CDH12: variants seen among roughly 807,000 people sequenced by gnomAD.
The protein encoded by CDH12 is cadherin 12.
In CDH12, 41 loss-of-function variants were observed where a neutral mutation model predicts 74.1. The ratio of observed to expected loss-of-function variants is 0.55; its 90% confidence interval spans 0.43 to 0.72. The LOEUF (loss-of-function observed/expected upper bound fraction) is 0.72, where lower values mean the gene tolerates loss of function less well. Ranked by LOEUF, CDH12 falls within the 30% of genes least tolerant of loss-of-function variation. The pLI, the probability that CDH12 is intolerant of heterozygous loss-of-function variation, is 0.00. For synonymous variants in CDH12, 399 were observed against 355.0 expected (o/e 1.12, Z -1.39); for missense variants, 945 against 977.2 (o/e 0.97, Z 0.44).
At chr5:22,063,076 T>C (rs568448536) in intron 5 of CDH12, among the ~76,000 whole-genome samples, 1 of 152,302 alleles carries the variant, frequency 6.6e-6, no homozygotes, top group Admixed American at 6.5e-5. Flanking sequence ...TTTGCATTTT[T>C]GTTGGATCCA....
chr5:22,407,775 C>T (rs1361718704), intron 2 of CDH12, among the ~76,000 whole-genome samples: 1 of 152,062 alleles, frequency 6.6e-6, no homozygotes, highest in Non-Finnish European at 1.5e-5. Context: ...CATCTCTTCT[C>T]TTCTGTCACT....
chr5:22,635,619 T>A (rs931810628), intron 1 of CDH12, among the ~76,000 whole-genome samples: 1 of 152,202 alleles, frequency 6.6e-6, no homozygotes, highest in East Asian at 1.9e-4. Flanking sequence ...AGAATAAATA[T>A]ACAAATATTT....
chr5:22,775,854 A>AG (rs1195498548), intron 1 of CDH12, among the ~76,000 whole-genome samples: 1 of 152,092 alleles, frequency 6.6e-6, no homozygotes, highest in Admixed American at 6.6e-5. Context: ...GGAGGGACCC[A>AG]GGGGGGAGGT....
intron 1 of CDH12, among the ~76,000 whole-genome samples, chr5:22,747,812 T>C (rs1310248039): frequency 6.6e-6 from 1 of 152,180 alleles, no homozygotes; most frequent in African/African-American, 2.4e-5. Flanking sequence ...AAATTTCTTA[T>C]GAATCTGAGT....
At chr5:22,794,512 A>C (rs1355995299) in intron 1 of CDH12, among the ~76,000 whole-genome samples, 2 of 152,186 alleles carry the variant, frequency 1.3e-5, no homozygotes, top group African/African-American at 2.4e-5. Context: ...CTGCTTACCT[A>C]TGACATGAGA....
At chr5:22,068,231 T>G (rs1412675215) in intron 5 of CDH12, among the ~76,000 whole-genome samples, 5 of 152,140 alleles carry the variant, frequency 3.3e-5, no homozygotes, top group Non-Finnish European at 7.4e-5. Flanking sequence ...GTAACTGACA[T>G]GAAGAAGAGA....
At chr5:21,782,151 G>A (rs550377885) in intron 11 of CDH12, among the ~76,000 whole-genome samples, 149 of 152,232 alleles carry the variant, frequency 9.8e-4, no homozygotes, top group African/African-American at 3.3e-3. Context: ...GGTATGGTTG[G>A]AAGGCAGAGC....
intron 6 of CDH12, among the ~76,000 whole-genome samples, chr5:21,907,539 G>A (rs1753693542): frequency 6.6e-6 from 1 of 152,166 alleles, no homozygotes; most frequent in Non-Finnish European, 1.5e-5. Flanking sequence ...GCATATGATT[G>A]CCACAACCAA....
intron 1 of CDH12, among the ~76,000 whole-genome samples, chr5:22,818,430 T>G (rs560402177): frequency 6.6e-6 from 1 of 152,220 alleles, no homozygotes; most frequent in South Asian, 2.1e-4. Flanking sequence ...TCCCTTTCAC[T>G]TGCCTCCAAG....
intron 4 of CDH12, among the ~76,000 whole-genome samples, chr5:22,107,615 G>A (rs1744552996): frequency 6.6e-6 from 1 of 151,688 alleles, no homozygotes; most frequent in Non-Finnish European, 1.5e-5. Flanking sequence ...AATTACTTTG[G>A]TAAAAATGAA....
chr5:22,636,235 T>C (rs1004768300), intron 1 of CDH12, among the ~76,000 whole-genome samples: 9 of 152,188 alleles, frequency 5.9e-5, no homozygotes, highest in African/African-American at 2.2e-4. Context: ...AATAATGTAG[T>C]TGTTTTGAAA....
At chr5:22,803,677 C>T (rs1373083595) in intron 1 of CDH12, among the ~76,000 whole-genome samples, 4 of 152,190 alleles carry the variant, frequency 2.6e-5, no homozygotes, top group African/African-American at 4.8e-5. Context: ...ACCTTGGCCG[C>T]ACTTTTTCAT....
At chr5:22,259,117 C>G (rs184688263) in intron 3 of CDH12, among the ~76,000 whole-genome samples, 1 of 152,138 alleles carries the variant, frequency 6.6e-6, no homozygotes, top group African/African-American at 2.4e-5. Context: ...CTGGACTTGT[C>G]TCACTGAACA....
At position 21,863,995 on chromosome 5, in the gene CDH12, A is replaced by C. The variant is rs564441178; in HGVS notation, c.527-9205T>G. Among the ~76,000 whole-genome samples, 14 of 152,298 alleles carry C rather than the reference A, an allele frequency of 9.2e-5. No homozygotes were observed. The East Asian group carries it at 2.7e-3, about 29-fold the overall frequency. On this transcript the variant is annotated intron_variant, in intron 6 of 14. Coordinates refer to ENST00000382254, the MANE Select transcript of CDH12 (RefSeq NM_004061.5). Reference sequence around the variant, plus strand: ...TTCTAATTCTTATTTCAGAATTATAAATATACTAAAGTTGCTTTCAAAATA... The same window carrying C: ...TTCTAATTCTTATTTCAGAATTATACATATACTAAAGTTGCTTTCAAAATA...
chr5:22,555,775 T>C (rs138593490), intron 1 of CDH12, among the ~76,000 whole-genome samples: 16 of 152,178 alleles, frequency 1.1e-4, no homozygotes, highest in African/African-American at 1.7e-4. Context: ...GTGTATTCTT[T>C]TCTGTTTATA....
At chr5:21,763,392 C>CAG (rs2149874317) in intron 12 of CDH12, among the ~76,000 whole-genome samples, 1 of 152,238 alleles carries the variant, frequency 6.6e-6, no homozygotes, top group African/African-American at 2.4e-5. Context: ...GTAGACATCA[C>CAG]AGGTTTAGAA....
chr5:22,615,832 G>A (rs1737663138), intron 1 of CDH12, among the ~76,000 whole-genome samples: 1 of 152,112 alleles, frequency 6.6e-6, no homozygotes, highest in African/African-American at 2.4e-5. Context: ...TATGGTGAAT[G>A]GCAGGGTTGG....
At chr5:22,680,721 T>A (rs1171649871) in intron 1 of CDH12, among the ~76,000 whole-genome samples, 2 of 151,766 alleles carry the variant, frequency 1.3e-5, no homozygotes, top group Non-Finnish European at 2.9e-5. Context: ...ACATAGAGTT[T>A]CTGGGGTTAA....
intron 3 of CDH12, chr5:22,213,643 T>C (rs1429918169): frequency 1.3e-5 from 2 of 152,230 alleles, no homozygotes; most frequent in East Asian, 3.9e-4. Flanking sequence ...CCTGAAGAGA[T>C]CTAACTCTCT....
Sources: allele counts gnomAD v4.1 joint callset (sites outside exome capture counted in the v4.1 genomes callset), GRCh38; gene constraint gnomAD v4.1.1; transcripts MANE v1.5; gene names NCBI Gene and HGNC (gene_info 2026-07-23, HGNC 2026-07-21).